ADAMTS3: variants seen among roughly 807,000 people sequenced by gnomAD.
ADAMTS3 encodes the protein ADAM metallopeptidase with thrombospondin type 1 motif 3.
ADAMTS3 carries 73 observed loss-of-function variants against 129.0 expected under a neutral mutation model. The ratio of observed to expected loss-of-function variants is 0.57; its 90% CI spans 0.47 to 0.69. The LOEUF (loss-of-function observed/expected upper bound fraction) is 0.69. ADAMTS3 is among the 30% of genes least tolerant of loss of function. The probability of loss-of-function intolerance (pLI) is 0.00; values close to 1 mark genes in which losing one functional copy is unlikely to be tolerated. For missense variants in ADAMTS3, 1,457 were observed against 1,514.5 expected (o/e 0.96, Z 0.63); for synonymous variants, 477 against 510.8 (o/e 0.93, Z 0.89).
At chr4:72,396,735 A>T (rs968517274) in intron 4 of ADAMTS3, among the ~76,000 whole-genome samples, 1 of 152,184 alleles carries the variant, frequency 6.6e-6, no homozygotes, top group Non-Finnish European at 1.5e-5. Flanking sequence ...TAAATTTTAA[A>T]TATTCTGCTT....
chr4:72,331,205 A>C (rs1380711779), intron 5 of ADAMTS3, among the ~76,000 whole-genome samples: 1 of 152,156 alleles, frequency 6.6e-6, no homozygotes, highest in Non-Finnish European at 1.5e-5. Flanking sequence ...CTAGAGTGAT[A>C]GGTCAGGATA....
chr4:72,484,960 A>G (rs1331313393), intron 3 of ADAMTS3, among the ~76,000 whole-genome samples: 1 of 152,198 alleles, frequency 6.6e-6, no homozygotes, highest in Admixed American at 6.5e-5. Flanking sequence ...GAGCATTTAC[A>G]TCAGATTGGT....
At chr4:72,517,875 C>T (rs1560546966) in intron 3 of ADAMTS3, among the ~76,000 whole-genome samples, 2 of 151,146 alleles carry the variant, frequency 1.3e-5, no homozygotes, top group Admixed American at 6.6e-5. Context: ...TTGCCTTCTG[C>T]TAGCTTTTGA....
At chr4:72,469,763 A>G (rs1719014794) in intron 3 of ADAMTS3, among the ~76,000 whole-genome samples, 1 of 152,098 alleles carries the variant, frequency 6.6e-6, no homozygotes, top group African/African-American at 2.4e-5. Context: ...AGGGAATGAA[A>G]AGCTTGATGA....
chr4:72,307,963 G>A (rs1189502692), intron 15 of ADAMTS3, among the ~76,000 whole-genome samples: 3 of 151,814 alleles, frequency 2.0e-5, no homozygotes, highest in Non-Finnish European at 4.4e-5. Flanking sequence ...TGAACTCTCT[G>A]AAAAACAGTA....
chr4:72,392,182 T>C (rs966670080), intron 4 of ADAMTS3, among the ~76,000 whole-genome samples: 1 of 152,160 alleles, frequency 6.6e-6, no homozygotes, highest in African/African-American at 2.4e-5. Flanking sequence ...CCCTGACTCC[T>C]GGAGACCAGG....
intron 3 of ADAMTS3, among the ~76,000 whole-genome samples, chr4:72,416,018 C>T (rs2109927664): frequency 6.6e-6 from 1 of 151,740 alleles, no homozygotes; most frequent in East Asian, 1.9e-4. Context: ...TGTATTTTCA[C>T]ACAAGAGGTC....
At chr4:72,309,344 A>G (rs1405432824) in intron 15 of ADAMTS3, 53 bp downstream of exon 15, 2 of 1,586,444 alleles carry the variant, frequency 1.3e-6, no homozygotes, top group Admixed American at 1.7e-5. Flanking sequence ...AGAAGCCTCA[A>G]AAAGTACAAA....
rs756260156 is a variant in ADAMTS3, at chr4:72,295,666, C to T, written c.2711G>A (p.Cys904Tyr). 121 of 1,611,774 alleles carry T rather than the reference C, an allele frequency of 7.5e-5. No homozygotes were observed. Among genetic ancestry groups the T allele is most frequent in the Non-Finnish European group, 1.0e-4 (120 of 1,178,598 alleles). The change falls in exon 19 of 22, where the codon TGT (cysteine) becomes TAT (tyrosine). Residue 904 changes from cysteine to tyrosine, a missense_variant. Coordinates refer to ENST00000286657, the MANE Select transcript of ADAMTS3 (RefSeq NM_014243.3). ...PIRRMCNIQE[C>Y]THPLWVAEEW... Reference sequence around the variant, plus strand: ...AATAGATGCTTACAGTGGATGTGTACACTCTTGAATATTGCACATTCGTCT... The same window carrying T: ...AATAGATGCTTACAGTGGATGTGTATACTCTTGAATATTGCACATTCGTCT...
At chr4:72,324,117 A>C (rs1719636203) in intron 5 of ADAMTS3, among the ~76,000 whole-genome samples, 2 of 152,170 alleles carry the variant, frequency 1.3e-5, no homozygotes, top group Admixed American at 1.3e-4. Flanking sequence ...ACTAACTGCA[A>C]CTCAGCTTCA....
chr4:72,515,794 C>T (rs1266861038), intron 3 of ADAMTS3, among the ~76,000 whole-genome samples: 8 of 151,788 alleles, frequency 5.3e-5, no homozygotes, highest in African/African-American at 1.9e-4. Context: ...GTTGCCTGTT[C>T]ACTCTGATGG....
intron 3 of ADAMTS3, among the ~76,000 whole-genome samples, chr4:72,540,855 G>A (rs1721304331): frequency 6.6e-6 from 1 of 152,256 alleles, no homozygotes; most frequent in Non-Finnish European, 1.5e-5. Flanking sequence ...GTATGGAAAT[G>A]CCTGGATGTC....
chr4:72,372,376 T>G (rs1176334226), intron 4 of ADAMTS3, among the ~76,000 whole-genome samples: 2 of 151,994 alleles, frequency 1.3e-5, no homozygotes, highest in Non-Finnish European at 2.9e-5. Flanking sequence ...ATTGCCAATA[T>G]AAGGAATGAA....
At position 72,283,534 on chromosome 4, in the gene ADAMTS3, A is replaced by G. The variant is rs35864003; in HGVS notation, c.3220T>C (p.Ser1074Pro). The change falls in exon 22 of 22, where the codon TCT (serine) becomes CCT (proline). Residue 1074 changes from serine (S) to proline (P), a missense_variant. Transcript: ENST00000286657. ...GATCTAGGGAGGTCACTAGGGTTAG[A>G]GATGACATCATCATGAGTTTCAGCA... ...EAAETHDDVI[S>P]NPSDLPRSLV... 4.1e-3 allele frequency: 6,653 copies of G among 1,614,070 alleles called. 213 individuals carry two copies. In the African/African-American group the frequency reaches 0.075, roughly 18 times the overall value.
At chr4:72,432,120 C>T (rs972201994) in intron 3 of ADAMTS3, among the ~76,000 whole-genome samples, 5 of 151,926 alleles carry the variant, frequency 3.3e-5, no homozygotes, top group African/African-American at 1.2e-4. Flanking sequence ...CCAATGCCTG[C>T]GTGTTCTTCT....
chr4:72,449,701 T>G (rs933795905), intron 3 of ADAMTS3, among the ~76,000 whole-genome samples: 1 of 151,768 alleles, frequency 6.6e-6, no homozygotes, highest in African/African-American at 2.4e-5. Flanking sequence ...CTATTATACC[T>G]GCAGTTAAAT....
At position 72,400,280 on chromosome 4, in the gene ADAMTS3, GGT is replaced by G. The variant is rs544472501; in HGVS notation, c.661+14533_661+14534del. On this transcript the variant is annotated intron_variant, in intron 4 of 21. Transcript: ENST00000286657. The stretch of plus-strand genomic sequence containing the variant: ...TATACGTGTGTATATATGCACACAT[GGT>G]GTGTGTGTATATACGTGTGTATATA... Among the ~76,000 whole-genome samples, 84 of 134,098 alleles carry G rather than the reference GGT, an allele frequency of 6.3e-4. 1 individual carries two copies. Among genetic ancestry groups the G allele is most frequent in the African/African-American group, 1.7e-3 (62 of 35,862 alleles). 88.0% of individuals were successfully genotyped at this position (134,098 alleles called of 152,430 possible).
chr4:72,376,478 A>G (rs554913267), intron 4 of ADAMTS3, among the ~76,000 whole-genome samples: 32 of 152,296 alleles, frequency 2.1e-4, no homozygotes, highest in African/African-American at 7.0e-4. Flanking sequence ...AAGGCCCAGG[A>G]CTTGTGTCCT....
intron 5 of ADAMTS3, among the ~76,000 whole-genome samples, chr4:72,334,123 G>A (rs1007393108): frequency 6.6e-6 from 1 of 151,920 alleles, no homozygotes; most frequent in Non-Finnish European, 1.5e-5. Context: ...AAAGTGCTGG[G>A]ATTACAGGAG....
Sources: allele counts gnomAD v4.1 joint callset (sites outside exome capture counted in the v4.1 genomes callset), GRCh38; gene constraint gnomAD v4.1.1; transcripts MANE v1.5; gene names NCBI Gene and HGNC (gene_info 2026-07-23, HGNC 2026-07-21).